The following CTNNBL1 variants were observed in gnomAD, a reference collection of about 807,000 sequenced individuals.
The protein encoded by CTNNBL1 is catenin beta like 1, also known as beta-catenin-like protein 1.
A neutral mutation model predicts 72.7 loss-of-function variants in CTNNBL1; 31 were observed. The ratio of observed to expected loss-of-function variants is 0.43; its 90% CI spans 0.32 to 0.58. The LOEUF (loss-of-function observed/expected upper bound fraction) is 0.58. Among genes scored for constraint, CTNNBL1 ranks in the 20% least tolerant of loss-of-function variants. The probability of loss-of-function intolerance (pLI) is 0.08; values close to 1 mark genes in which losing one functional copy is unlikely to be tolerated. For missense variants in CTNNBL1, 534 were observed against 725.1 expected, an observed-to-expected ratio of 0.74 and a Z score of 3.03; for synonymous variants, 240 against 267.3, an observed-to-expected ratio of 0.90 and a Z score of 1.00.
At chr20:37,699,798 C>T (rs2072824636) in intron 1 of CTNNBL1, among the ~76,000 whole-genome samples, 2 of 152,278 alleles carry the variant, frequency 1.3e-5, no homozygotes, top group South Asian at 4.1e-4. Context: ...TTGTGATCCC[C>T]TGGTCTAAAA....
chr20:37,842,176 T>C (rs1309285104), intron 12 of CTNNBL1, 163 bp from the exon 13 acceptor site: 1 of 620,016 alleles, frequency 1.6e-6, no homozygotes, highest in Non-Finnish European at 2.9e-6. Context: ...TTTGATCCAT[T>C]CCTGATGTGT....
intron 7 of CTNNBL1, among the ~76,000 whole-genome samples, chr20:37,771,474 A>G (rs924641492): frequency 3.9e-5 from 6 of 152,136 alleles, no homozygotes; most frequent in African/African-American, 1.2e-4. Flanking sequence ...TGCCTTCTAC[A>G]TCAGATCCCA....
At chr20:37,829,655 G>C in intron 11 of CTNNBL1, among the ~76,000 whole-genome samples, 1 of 151,904 alleles carries the variant, frequency 6.6e-6, no homozygotes, top group Non-Finnish European at 1.5e-5. Flanking sequence ...ACTTCATGTT[G>C]GTCTGTCCGC....
intron 1 of CTNNBL1, among the ~76,000 whole-genome samples, chr20:37,701,473 A>G (rs1404589469): frequency 1.3e-5 from 2 of 152,232 alleles, no homozygotes; most frequent in East Asian, 3.8e-4. Context: ...AGCAAGACAG[A>G]CATTTAGAAA....
chr20:37,792,117 A>G (rs890997935), intron 10 of CTNNBL1, among the ~76,000 whole-genome samples: 9 of 152,174 alleles, frequency 5.9e-5, no homozygotes, highest in African/African-American at 2.2e-4. Context: ...TTCTCTTATT[A>G]TCCTTTTAAA....
At chr20:37,714,304 G>T (rs536832169) in intron 1 of CTNNBL1, among the ~76,000 whole-genome samples, 1 of 152,330 alleles carries the variant, frequency 6.6e-6, no homozygotes, top group African/African-American at 2.4e-5. Flanking sequence ...GAAAGGATGA[G>T]GGTGAATGAA....
At chr20:37,757,954 A>T (rs989178346) in intron 5 of CTNNBL1, among the ~76,000 whole-genome samples, 1 of 152,178 alleles carries the variant, frequency 6.6e-6, no homozygotes, top group African/African-American at 2.4e-5. Context: ...TTCCATTTAC[A>T]GCCATGAAGC....
chr20:37,700,700 A>G (rs970844325), intron 1 of CTNNBL1, among the ~76,000 whole-genome samples: 1 of 152,114 alleles, frequency 6.6e-6, no homozygotes, highest in African/African-American at 2.4e-5. Context: ...GCATATATGA[A>G]CTCCAGGGCA....
At chr20:37,823,349 A>G (rs1363043560) in intron 11 of CTNNBL1, among the ~76,000 whole-genome samples, 1 of 152,244 alleles carries the variant, frequency 6.6e-6, no homozygotes, top group Non-Finnish European at 1.5e-5. Context: ...AAGAAGGGTC[A>G]AGAAATCAGA....
intron 1 of CTNNBL1, among the ~76,000 whole-genome samples, chr20:37,695,459 G>T (rs1366339129): frequency 6.6e-6 from 1 of 152,184 alleles, no homozygotes; most frequent in Non-Finnish European, 1.5e-5. Context: ...CTCCCAAAGT[G>T]CTGGGATTAC....
intron 7 of CTNNBL1, among the ~76,000 whole-genome samples, chr20:37,769,601 T>G (rs2073504764): frequency 6.6e-6 from 1 of 152,202 alleles, no homozygotes; most frequent in African/African-American, 2.4e-5. Context: ...GTTAGTATTG[T>G]CTAATAGAGT....
At chr20:37,841,303 G>A (rs2072302292) in intron 12 of CTNNBL1, among the ~76,000 whole-genome samples, 2 of 152,250 alleles carry the variant, frequency 1.3e-5, no homozygotes, top group African/African-American at 2.4e-5. Context: ...GTTAGGACAC[G>A]GAGATCTTAG....
intron 5 of CTNNBL1, among the ~76,000 whole-genome samples, chr20:37,757,924 A>G (rs1199136425): frequency 3.9e-5 from 6 of 152,178 alleles, no homozygotes; most frequent in African/African-American, 9.7e-5. Context: ...ATCCTCTCAC[A>G]TGGGCATTAT....
chr20:37,779,216 T>A lies in CTNNBL1; in HGVS notation c.912T>A (p.Ala304=). 6.2e-7 allele frequency: 1 copy of A among 1,613,668 alleles called. No homozygotes were observed. Among genetic ancestry groups the A allele is most frequent in the South Asian group, 1.1e-5 (1 of 91,072 alleles). ...TTAAAAGACACAATCCCAGCACGGCTGAGGAGCAGGAGATGATGGAGAATC... is the reference window on the plus strand; with the variant it reads ...TTAAAAGACACAATCCCAGCACGGCAGAGGAGCAGGAGATGATGGAGAATC... The part of the protein sequence containing the change: ...SVFKRHNPST[A]EEQEMMENLF... The change falls in exon 10 of 16, where the codon GCT becomes GCA. Residue 304 remains alanine (A), a synonymous_variant. Coordinates refer to ENST00000361383, the MANE Select transcript of CTNNBL1 (RefSeq NM_030877.5).
chr20:37,833,910 T>C (rs1380695526), intron 11 of CTNNBL1, among the ~76,000 whole-genome samples: 1 of 152,186 alleles, frequency 6.6e-6, no homozygotes, highest in Non-Finnish European at 1.5e-5. Flanking sequence ...TATGTGTAAA[T>C]TTGGGATGGC....
At chr20:37,761,804 A>G (rs925447279) in intron 5 of CTNNBL1, among the ~76,000 whole-genome samples, 11 of 152,248 alleles carry the variant, frequency 7.2e-5, no homozygotes, top group African/African-American at 2.4e-4. Context: ...ATAGTCAGGC[A>G]AGGCCTGAGT....
intron 13 of CTNNBL1, 107 bp downstream of exon 13, chr20:37,842,526 T>TA (rs2072313524): frequency 5.3e-6 from 4 of 753,690 alleles, no homozygotes; most frequent in Non-Finnish European, 9.5e-6. Context: ...CAGTGCCATC[T>TA]AACATGTTAT....
chr20:37,761,139 T>C (rs935390738), intron 5 of CTNNBL1, among the ~76,000 whole-genome samples: 1 of 152,268 alleles, frequency 6.6e-6, no homozygotes, highest in East Asian at 1.9e-4. Context: ...CAGGCATCGG[T>C]GATGGCCTCT....
chr20:37,718,434 C>T (rs1314529368), intron 1 of CTNNBL1, among the ~76,000 whole-genome samples: 6 of 136,246 alleles, frequency 4.4e-5, no homozygotes, highest in Admixed American at 7.0e-5. Context: ...ACCTCCCTCC[C>T]GGACGGGGTG....
Sources: allele counts gnomAD v4.1 joint callset (sites outside exome capture counted in the v4.1 genomes callset), GRCh38; gene constraint gnomAD v4.1.1; transcripts MANE v1.5; gene names NCBI Gene and HGNC (gene_info 2026-07-23, HGNC 2026-07-21).